The following PRKAR2B variants were observed in gnomAD, a reference collection of about 807,000 sequenced individuals.
The protein encoded by PRKAR2B is cAMP-dependent protein kinase type II-beta regulatory subunit.
Under a neutral mutation model 49.9 loss-of-function variants are expected in PRKAR2B, and 14 were observed. That is an observed-to-expected ratio of 0.28 (90% CI 0.19 to 0.44). PRKAR2B has a LOEUF of 0.44. Among genes scored for constraint, PRKAR2B ranks in the 20% least tolerant of loss-of-function variants. The pLI is 1.00. For missense variants in PRKAR2B, 393 were observed against 537.9 expected (o/e 0.73, Z 2.67); for synonymous variants, 196 against 197.7 (o/e 0.99, Z 0.07).
chr7:107,141,007 C>A, intron 5 of PRKAR2B, 54 bp downstream of exon 5: 1 of 1,301,168 alleles, frequency 7.7e-7, no homozygotes, highest in Non-Finnish European at 1.1e-6. Flanking sequence ...TGTGTAAAAT[C>A]TCAACCATTA....
intron 2 of PRKAR2B, among the ~76,000 whole-genome samples, chr7:107,096,946 G>A (rs186792599): frequency 3.5e-4 from 54 of 152,226 alleles, no homozygotes; most frequent in African/African-American, 1.3e-3. Flanking sequence ...GGTCAGTTTT[G>A]CATTAAGTGT....
chr7:107,075,128 G>A (rs890655108), intron 2 of PRKAR2B, among the ~76,000 whole-genome samples: 2 of 150,514 alleles, frequency 1.3e-5, no homozygotes, highest in African/African-American at 2.4e-5. Flanking sequence ...TTTTGAGATG[G>A]AGTCTCGCTC....
At chr7:107,059,516 A>G (rs1236591556) in intron 1 of PRKAR2B, among the ~76,000 whole-genome samples, 1 of 151,224 alleles carries the variant, frequency 6.6e-6, no homozygotes, top group Non-Finnish European at 1.5e-5. Flanking sequence ...ATTATTATCC[A>G]TCAACTTGTT....
Position 107,044,853 on chromosome 7 carries a change from C to T in PRKAR2B, c.-55C>T, listed in dbSNP as rs905863520. On this transcript the variant is annotated 5_prime_UTR_variant, in exon 1 of 11. Coordinates refer to ENST00000265717, the MANE Select transcript of PRKAR2B (RefSeq NM_002736.3). ...GCTCGGCAGCCGCGGGGCCCTAGGC[C>T]GTGCCGGGGAGGGGGCGAGGGCGGC... The T allele has an allele frequency of 2.0e-6, 3 of 1,486,260 alleles. No homozygotes were observed. The highest frequency in any genetic ancestry group is 2.1e-5 in the Admixed American group (1 of 48,468). The allele number at this position is 1,486,260 out of a possible 1,614,324, so 92.1% of individuals were successfully genotyped here.
intron 1 of PRKAR2B, among the ~76,000 whole-genome samples, chr7:107,061,076 A>G (rs773065436): frequency 1.3e-5 from 2 of 151,980 alleles, no homozygotes; most frequent in Admixed American, 6.6e-5. Context: ...ATGTACTTCA[A>G]GCTTCTGTTC....
chr7:107,100,126 A>G (rs1428180134), intron 2 of PRKAR2B, among the ~76,000 whole-genome samples: 1 of 151,810 alleles, frequency 6.6e-6, no homozygotes, highest in African/African-American at 2.4e-5. Context: ...TTGAGTTACT[A>G]TCTAGTATCA....
intron 2 of PRKAR2B, among the ~76,000 whole-genome samples, chr7:107,109,151 G>A (rs74939586): frequency 0.045 from 6,919 of 152,296 alleles, 201 homozygotes; most frequent in African/African-American, 0.064. Context: ...GGCATCATTT[G>A]TAAACTGTTG....
chr7:107,114,198 A>G (rs1319087223), intron 2 of PRKAR2B, among the ~76,000 whole-genome samples: 1 of 152,224 alleles, frequency 6.6e-6, no homozygotes, highest in Non-Finnish European at 1.5e-5. Context: ...CAAGAGTAGA[A>G]TAAAAAATTA....
At chr7:107,077,116 T>C (rs1794413617) in intron 2 of PRKAR2B, 1 of 152,234 alleles carries the variant, frequency 6.6e-6, no homozygotes, top group Admixed American at 6.5e-5. Context: ...ACCAATTTGC[T>C]GGTATAATTA....
chr7:107,112,174 T>TAAAA (rs749209141), intron 2 of PRKAR2B, among the ~76,000 whole-genome samples: 1 of 44,752 alleles, frequency 2.2e-5, no homozygotes, highest in African/African-American at 1.0e-4. Flanking sequence ...ACTGTGTCTC[T>TAAAA]AAAAAAAAAA....
intron 10 of PRKAR2B, 102 bp from the exon 11 acceptor site, chr7:107,159,347 C>A: frequency 9.0e-7 from 1 of 1,109,962 alleles, no homozygotes; most frequent in Non-Finnish European, 1.3e-6. Context: ...CCTAAAATAT[C>A]ATTGCACTAT....
intron 3 of PRKAR2B, among the ~76,000 whole-genome samples, chr7:107,125,133 A>G (rs748402722): frequency 2.6e-5 from 4 of 152,196 alleles, no homozygotes; most frequent in Non-Finnish European, 5.9e-5. Context: ...CCTAGAGGCC[A>G]TACATACAAA....
At chr7:107,149,426 C>G (rs1795945536) in intron 6 of PRKAR2B, among the ~76,000 whole-genome samples, 2 of 152,044 alleles carry the variant, frequency 1.3e-5, no homozygotes, top group Admixed American at 1.3e-4. Flanking sequence ...AGTCCAAGAT[C>G]AAGGCACCAG....
chr7:107,121,781 A>G (rs1795393589), intron 2 of PRKAR2B, among the ~76,000 whole-genome samples, 171 bp from the exon 3 acceptor site: 2 of 152,248 alleles, frequency 1.3e-5, no homozygotes, highest in South Asian at 4.1e-4. Flanking sequence ...GTAAATTATA[A>G]ATTGCAATAT....
At chr7:107,117,844 C>G (rs1795305295) in intron 2 of PRKAR2B, among the ~76,000 whole-genome samples, 1 of 152,150 alleles carries the variant, frequency 6.6e-6, no homozygotes, top group Non-Finnish European at 1.5e-5. Flanking sequence ...CATTGTCTGG[C>G]TACACCAGTG....
chr7:107,150,588 G>GTATACATATTTAAT (rs1795965542), intron 6 of PRKAR2B, among the ~76,000 whole-genome samples: 5 of 4,248 alleles, frequency 1.2e-3, no homozygotes, highest in Non-Finnish European at 1.9e-3. Context: ...TAAAAGAACA[G>GTATACATATTTAAT]AGTGCTAGTA....
intron 1 of PRKAR2B, among the ~76,000 whole-genome samples, chr7:107,052,745 A>G (rs1004026089): frequency 2.7e-4 from 41 of 152,330 alleles, no homozygotes; most frequent in African/African-American, 9.4e-4. Context: ...CCCTGCATTG[A>G]TCTCTCCCTT....
chr7:107,054,243 A>G (rs961096867), intron 1 of PRKAR2B, among the ~76,000 whole-genome samples: 1 of 152,098 alleles, frequency 6.6e-6, no homozygotes, highest in African/African-American at 2.4e-5. Context: ...AGTCCCAGCT[A>G]CTCGGGAGGC....
chr7:107,129,558 A>G lies in PRKAR2B; in HGVS notation c.480+1263A>G, dbSNP rs371556295. On this transcript the variant is annotated intron_variant, in intron 4 of 10. Transcript: ENST00000265717. ...ATGCTTTAAGTTATCCTTTTGTTAC[A>G]GGAAAGAGGTCCTCATCCAGACCCC... is the stretch of plus-strand genomic sequence containing the variant. 1.1e-4 allele frequency among the ~76,000 whole-genome samples: 16 copies of G among 152,300 alleles called. No individual in the cohort carries two copies. The South Asian group carries it at 3.3e-3, about 32-fold the overall frequency.
Sources: gnomAD v4.1 joint callset for allele counts (sites outside exome capture counted in the v4.1 genomes callset) on GRCh38, gnomAD v4.1.1 for gene constraint, MANE v1.5 for transcripts, NCBI Gene and HGNC (gene_info 2026-07-23, HGNC 2026-07-21) for gene names.